The following ADAMTS17 variants were observed in gnomAD, a reference collection of about 807,000 sequenced individuals.
ADAMTS17 encodes A disintegrin and metalloproteinase with thrombospondin motifs 17.
ADAMTS17 carries 113 observed loss-of-function variants against 141.5 expected under a neutral mutation model. The ratio of observed to expected loss-of-function variants is 0.80; its 90% CI spans 0.69 to 0.93. The LOEUF (loss-of-function observed/expected upper bound fraction) is 0.93. Among genes scored for constraint, ADAMTS17 ranks in the 40% least tolerant of loss-of-function variants. The pLI, the probability that ADAMTS17 is intolerant of heterozygous loss-of-function variation, is 0.00. For synonymous variants in ADAMTS17, 768 were observed against 630.6 expected, an observed-to-expected ratio of 1.22 and a Z score of -3.27; for missense variants, 1,659 against 1,517.9, an observed-to-expected ratio of 1.09 and a Z score of -1.54.
At chr15:100,237,781 G>A (rs188751502) in intron 7 of ADAMTS17, among the ~76,000 whole-genome samples, 37 of 152,212 alleles carry the variant, frequency 2.4e-4, no homozygotes, top group African/African-American at 8.2e-4. Flanking sequence ...ATGCCACCAC[G>A]CCTGGCCAAT....
intron 4 of ADAMTS17, among the ~76,000 whole-genome samples, chr15:100,279,304 C>T (rs1426811308): frequency 3.3e-5 from 5 of 152,210 alleles, no homozygotes; most frequent in Non-Finnish European, 2.9e-5. Flanking sequence ...CCCTGAGCTC[C>T]AGCGCTCATC....
intron 8 of ADAMTS17, among the ~76,000 whole-genome samples, chr15:100,170,858 G>T (rs1220775872): frequency 1.3e-5 from 2 of 152,150 alleles, no homozygotes; most frequent in African/African-American, 4.8e-5. Flanking sequence ...CTCAGGGAGG[G>T]TTTACCTCAG....
intron 10 of ADAMTS17, among the ~76,000 whole-genome samples, chr15:100,140,575 G>C (rs752298980): frequency 6.9e-4 from 104 of 150,716 alleles, no homozygotes; most frequent in Non-Finnish European, 1.2e-3. Context: ...TGCCTGGCAA[G>C]CTAAGCAGTC....
chr15:100,299,171 G>A (rs1192687282), intron 3 of ADAMTS17, among the ~76,000 whole-genome samples: 1 of 152,094 alleles, frequency 6.6e-6, no homozygotes, highest in Non-Finnish European at 1.5e-5. Context: ...GGGCTAGTTA[G>A]TACTTCAACC....
At chr15:100,008,906 T>C (rs1374920200) in intron 18 of ADAMTS17, among the ~76,000 whole-genome samples, 3 of 152,020 alleles carry the variant, frequency 2.0e-5, no homozygotes. Flanking sequence ...TGGTGCAATC[T>C]TGGCTCACTG....
intron 10 of ADAMTS17, among the ~76,000 whole-genome samples, chr15:100,144,500 A>T (rs1407145404): frequency 6.6e-6 from 1 of 151,954 alleles, no homozygotes; most frequent in Non-Finnish European, 1.5e-5. Context: ...CAGTGAGCCG[A>T]GACTGTGCCA....
intron 3 of ADAMTS17, among the ~76,000 whole-genome samples, chr15:100,328,130 G>T (rs2045948314): frequency 6.6e-6 from 1 of 152,180 alleles, no homozygotes. Context: ...TGTTCAGCCA[G>T]GAAGAGCATG....
chr15:99,982,051 C>T (rs2060491578), intron 20 of ADAMTS17, among the ~76,000 whole-genome samples: 1 of 152,226 alleles, frequency 6.6e-6, no homozygotes, highest in Non-Finnish European at 1.5e-5. Flanking sequence ...AATGACTTAA[C>T]CTCTCTGAGC....
At chr15:100,243,941 G>A (rs2042908520) in intron 7 of ADAMTS17, among the ~76,000 whole-genome samples, 1 of 152,106 alleles carries the variant, frequency 6.6e-6, no homozygotes, top group Non-Finnish European at 1.5e-5. Flanking sequence ...AGAAAACAGA[G>A]CAGGGGATAT....
chr15:100,090,362 A>T (rs533942901), intron 15 of ADAMTS17, among the ~76,000 whole-genome samples: 1 of 152,194 alleles, frequency 6.6e-6, no homozygotes, highest in Non-Finnish European at 1.5e-5. Flanking sequence ...TGTTGTATGG[A>T]AACTTTTGCA....
intron 18 of ADAMTS17, among the ~76,000 whole-genome samples, chr15:100,008,754 A>T (rs1465088739): frequency 1.3e-5 from 2 of 152,186 alleles, no homozygotes; most frequent in Admixed American, 6.5e-5. Flanking sequence ...GCCAGCCTGA[A>T]AAAACAGGCC....
At chr15:100,133,374 C>G (rs1003539357) in intron 10 of ADAMTS17, 59 bp from the exon 11 acceptor site, 1 of 1,519,342 alleles carries the variant, frequency 6.6e-7, no homozygotes, top group African/African-American at 1.4e-5. Flanking sequence ...CAGGTCACAG[C>G]TGGGGTCAGA....
At chr15:100,040,261 G>A (rs1046807214) in intron 18 of ADAMTS17, among the ~76,000 whole-genome samples, 4 of 152,166 alleles carry the variant, frequency 2.6e-5, no homozygotes, top group African/African-American at 9.7e-5. Context: ...CCACAAGCTA[G>A]GAACCCTTCC....
intron 7 of ADAMTS17, among the ~76,000 whole-genome samples, chr15:100,214,761 G>T (rs1442182956): frequency 6.6e-6 from 1 of 152,142 alleles, no homozygotes; most frequent in Non-Finnish European, 1.5e-5. Context: ...TTTCTTAATG[G>T]TATCTGTATT....
Position 100,117,027 on chromosome 15 carries a change from G to A in ADAMTS17, c.1722-14C>T. On this transcript the variant is annotated splice_polypyrimidine_tract_variant and intron_variant, in intron 12 of 21. Coordinates refer to ENST00000268070, the MANE Select transcript of ADAMTS17 (RefSeq NM_139057.4). ...CCAGGCCCAGGGCTAGAAGGAAGAA[G>A]AAGGTCTGTGTTAACCAGGTGGTGC... The A allele has an allele frequency of 6.3e-7, 1 of 1,596,990 alleles. No homozygotes were observed. The highest frequency in any genetic ancestry group is 8.5e-7 in the Non-Finnish European group (1 of 1,172,384).
intron 4 of ADAMTS17, among the ~76,000 whole-genome samples, chr15:100,267,072 G>A (rs1022102422): frequency 3.9e-5 from 6 of 152,008 alleles, no homozygotes; most frequent in Non-Finnish European, 7.4e-5. Flanking sequence ...TGTTAATTAC[G>A]TTCACGTTAT....
At chr15:100,334,481 A>G (rs2046148340) in intron 2 of ADAMTS17, among the ~76,000 whole-genome samples, 1 of 152,134 alleles carries the variant, frequency 6.6e-6, no homozygotes, top group African/African-American at 2.4e-5. Context: ...TGCTTCCTGT[A>G]GGGACCAACC....
intron 1 of ADAMTS17, 89 bp downstream of exon 1, chr15:100,341,732 C>T: frequency 2.1e-6 from 3 of 1,461,538 alleles, no homozygotes; most frequent in Non-Finnish European, 2.7e-6. Flanking sequence ...GTCCCGCCGC[C>T]GCCCCCGGGC....
chr15:100,020,022 A>G (rs2061373197), intron 18 of ADAMTS17, among the ~76,000 whole-genome samples: 1 of 151,470 alleles, frequency 6.6e-6, no homozygotes, highest in Admixed American at 6.6e-5. Flanking sequence ...CCCAAAGCAT[A>G]ATGACGTGGC....
Sources: gnomAD v4.1 joint callset for allele counts (sites outside exome capture counted in the v4.1 genomes callset) on GRCh38, gnomAD v4.1.1 for gene constraint, MANE v1.5 for transcripts, NCBI Gene and HGNC (gene_info 2026-07-23, HGNC 2026-07-21) for gene names.